Variants in USH2A observed in about 807,000 individuals in gnomAD.
USH2A encodes Usher syndrome 2A (autosomal recessive, mild).
USH2A carries 443 observed loss-of-function variants against 538.9 expected under a neutral mutation model. That is an observed-to-expected ratio of 0.82 (90% CI 0.76 to 0.89). The LOEUF is 0.89. USH2A is among the 40% of genes least tolerant of loss of function. The pLI, the probability that USH2A is intolerant of heterozygous loss-of-function variation, is 0.00. For synonymous variants in USH2A, 2,413 were observed against 2,273.5 expected, an observed-to-expected ratio of 1.06 and a Z score of -1.75; for missense variants, 6,633 against 6,324.8, an observed-to-expected ratio of 1.05 and a Z score of -1.65.
intron 14 of USH2A, 61 bp downstream of exon 14, chr1:216,231,892 C>G: frequency 1.9e-6 from 3 of 1,606,812 alleles, no homozygotes; most frequent in Non-Finnish European, 2.6e-6. Context: ...TTTGCAACTG[C>G]CAAAAAAAGT....
intron 26 of USH2A, chr1:216,080,016 A>G (rs557817582): frequency 6.6e-6 from 1 of 152,218 alleles, no homozygotes; most frequent in Admixed American, 6.5e-5. Flanking sequence ...AGAAATGCTG[A>G]CTGTTGTTGT....
intron 64 of USH2A, among the ~76,000 whole-genome samples, chr1:215,663,471 A>G (rs1363886468): frequency 1.3e-5 from 2 of 152,230 alleles, no homozygotes; most frequent in Admixed American, 6.5e-5. Context: ...AAAGAGCACA[A>G]GGATTGTCAA....
At chr1:215,704,298 G>T (rs1659117578) in intron 61 of USH2A, among the ~76,000 whole-genome samples, 1 of 152,162 alleles carries the variant, frequency 6.6e-6, no homozygotes. Flanking sequence ...GCTTTTACAT[G>T]AGAGGCCCAT....
intron 17 of USH2A, 69 bp from the exon 18 acceptor site, chr1:216,198,653 G>T (rs1365478232): frequency 5.5e-6 from 8 of 1,450,900 alleles, no homozygotes; most frequent in Non-Finnish European, 7.6e-6. Context: ...GTAGGGTAGG[G>T]ACAGGTCAGT....
At chr1:216,220,399 T>G (rs180953972) in intron 14 of USH2A, among the ~76,000 whole-genome samples, 1 of 148,110 alleles carries the variant, frequency 6.8e-6, no homozygotes, top group African/African-American at 2.5e-5. Flanking sequence ...CAATCTCGTA[T>G]GCAAGAAAAA....
chr1:216,413,907 G>A (rs1400463340), intron 3 of USH2A, among the ~76,000 whole-genome samples: 2 of 152,094 alleles, frequency 1.3e-5, no homozygotes, highest in Non-Finnish European at 2.9e-5. Context: ...AAAATGTGTG[G>A]AACTGCTTAA....
At chr1:216,266,862 A>C (rs1025135933) in intron 11 of USH2A, among the ~76,000 whole-genome samples, 2 of 152,024 alleles carry the variant, frequency 1.3e-5, no homozygotes, top group African/African-American at 4.8e-5. Flanking sequence ...ATTTTTGAAA[A>C]TAGAACCAAC....
chr1:215,893,167 T>C (rs2102464050), intron 40 of USH2A, among the ~76,000 whole-genome samples: 1 of 152,306 alleles, frequency 6.6e-6, no homozygotes, highest in Middle Eastern at 3.4e-3. Context: ...TGTTTACAGG[T>C]ACATTATCAA....
At chr1:216,334,848 A>G (rs1245742239) in intron 4 of USH2A, among the ~76,000 whole-genome samples, 1 of 151,878 alleles carries the variant, frequency 6.6e-6, no homozygotes, top group Non-Finnish European at 1.5e-5. Flanking sequence ...CCATTTAACA[A>G]CAATAGTGGA....
intron 35 of USH2A, among the ~76,000 whole-genome samples, chr1:215,983,673 T>G (rs1345390387): frequency 6.6e-6 from 1 of 152,184 alleles, no homozygotes; most frequent in East Asian, 1.9e-4. Context: ...AAATGTGGAT[T>G]AAATAAAATT....
At chr1:215,839,291 A>G (rs1194045547) in intron 46 of USH2A, among the ~76,000 whole-genome samples, 1 of 152,222 alleles carries the variant, frequency 6.6e-6, no homozygotes. Context: ...TCTGTGATAC[A>G]TAATGAGATA....
At chr1:216,262,246 G>A (rs1344564894) in intron 11 of USH2A, among the ~76,000 whole-genome samples, 1 of 151,892 alleles carries the variant, frequency 6.6e-6, no homozygotes, top group African/African-American at 2.4e-5. Flanking sequence ...CAAAATGCCA[G>A]AAAAGGAGTT....
At chr1:216,289,055 A>G (rs535287231) in intron 11 of USH2A, among the ~76,000 whole-genome samples, 1 of 152,190 alleles carries the variant, frequency 6.6e-6, no homozygotes, top group Admixed American at 6.5e-5. Flanking sequence ...CATTTGTAAA[A>G]TTAAAACTAA....
intron 4 of USH2A, among the ~76,000 whole-genome samples, chr1:216,349,489 C>A (rs1415877447): frequency 2.0e-5 from 3 of 152,140 alleles, no homozygotes; most frequent in Non-Finnish European, 4.4e-5. Context: ...GTCATAAAGA[C>A]CTTGCTGATA....
intron 21 of USH2A, among the ~76,000 whole-genome samples, chr1:216,148,055 A>T (rs568488765): frequency 9.9e-5 from 15 of 151,144 alleles, no homozygotes; most frequent in Admixed American, 9.2e-4. Flanking sequence ...CCCCTAGACC[A>T]TCACGGACGC....
intron 37 of USH2A, among the ~76,000 whole-genome samples, chr1:215,946,947 A>T (rs1666773120): frequency 6.6e-6 from 1 of 152,210 alleles, no homozygotes; most frequent in Admixed American, 6.5e-5. Context: ...TAGATTTGGT[A>T]GAAAAAATAA....
intron 58 of USH2A, among the ~76,000 whole-genome samples, chr1:215,753,751 T>C (rs1247560707): frequency 6.6e-6 from 1 of 152,112 alleles, no homozygotes; most frequent in Non-Finnish European, 1.5e-5. Flanking sequence ...ACATGGCACA[T>C]GTATACATAT....
chr1:215,897,235 A>G (rs914860201), intron 40 of USH2A, among the ~76,000 whole-genome samples: 2 of 152,116 alleles, frequency 1.3e-5, no homozygotes, highest in Non-Finnish European at 2.9e-5. Context: ...ATGTCACACT[A>G]AAAATATTGC....
At chr1:215,808,822 T>C (rs1662575906) in intron 49 of USH2A, among the ~76,000 whole-genome samples, 1 of 152,132 alleles carries the variant, frequency 6.6e-6, no homozygotes, top group Non-Finnish European at 1.5e-5. Flanking sequence ...TTTGAATTGT[T>C]TCCAGGTTTT....
Sources: allele counts gnomAD v4.1 joint callset (sites outside exome capture counted in the v4.1 genomes callset), GRCh38; gene constraint gnomAD v4.1.1; transcripts MANE v1.5; gene names NCBI Gene and HGNC (gene_info 2026-07-23, HGNC 2026-07-21).